STIM1: variants seen among roughly 807,000 people sequenced by gnomAD.
The protein encoded by STIM1 is stromal interaction molecule 1.
Under a neutral mutation model 74.7 loss-of-function variants are expected in STIM1, and 25 were observed. The observed-to-expected ratio is 0.33, with a 90% CI of 0.24 to 0.47. The LOEUF is 0.47. Ranked by LOEUF, STIM1 falls within the 20% of genes least tolerant of loss-of-function variation. The pLI, the probability that STIM1 is intolerant of heterozygous loss-of-function variation, is 1.00. For synonymous variants in STIM1, 328 were observed against 348.8 expected, an observed-to-expected ratio of 0.94 and a Z score of 0.66; for missense variants, 728 against 920.8, an observed-to-expected ratio of 0.79 and a Z score of 2.71.
chr11:4,013,072 G>A (rs931944206), intron 2 of STIM1, among the ~76,000 whole-genome samples: 3 of 152,194 alleles, frequency 2.0e-5, no homozygotes, highest in African/African-American at 7.2e-5. Context: ...CCAGGATGAA[G>A]CCAACTTGAT....
At chr11:3,858,233 G>GTTT (rs370455770) in intron 1 of STIM1, among the ~76,000 whole-genome samples, 10 of 146,064 alleles carry the variant, frequency 6.8e-5, no homozygotes, top group Non-Finnish European at 1.2e-4. Context: ...TATTAGGAAG[G>GTTT]TTTTTTTTTT....
intron 3 of STIM1, among the ~76,000 whole-genome samples, chr11:4,051,792 G>A (rs2133063705): frequency 6.6e-6 from 1 of 151,914 alleles, no homozygotes; most frequent in Admixed American, 6.6e-5. Flanking sequence ...GACTCTAGGT[G>A]TGCACCACCA....
At chr11:3,959,452 CA>C (rs2093260651) in intron 1 of STIM1, among the ~76,000 whole-genome samples, 1 of 152,146 alleles carries the variant, frequency 6.6e-6, no homozygotes, top group African/African-American at 2.4e-5. Context: ...TTCATTCATT[CA>C]TTTAGCCAGC....
chr11:3,957,536 G>A (rs2093230827), intron 1 of STIM1, among the ~76,000 whole-genome samples: 1 of 151,518 alleles, frequency 6.6e-6, no homozygotes, highest in Admixed American at 6.6e-5. Context: ...AGATTACTAG[G>A]GTGAGCCACT....
intron 1 of STIM1, among the ~76,000 whole-genome samples, chr11:3,882,887 T>C (rs550857623): frequency 1.3e-5 from 2 of 152,328 alleles, no homozygotes; most frequent in South Asian, 2.1e-4. Context: ...TAGTACCTCA[T>C]TGTGGTTTTG....
At chr11:3,967,364 G>A (rs1002524230) in intron 1 of STIM1, among the ~76,000 whole-genome samples, 188 bp from the exon 2 acceptor site, 2 of 152,152 alleles carry the variant, frequency 1.3e-5, no homozygotes, top group South Asian at 2.1e-4. Flanking sequence ...TTGTCCTTGT[G>A]GGGGAGCTCA....
At chr11:4,020,275 T>C (rs2136002569) in intron 2 of STIM1, among the ~76,000 whole-genome samples, 1 of 152,352 alleles carries the variant, frequency 6.6e-6, no homozygotes, top group Admixed American at 6.5e-5. Context: ...TGAAGATGTC[T>C]CTTCAACATG....
chr11:4,025,483 A>G (rs908462202), intron 3 of STIM1, among the ~76,000 whole-genome samples: 1 of 152,240 alleles, frequency 6.6e-6, no homozygotes, highest in African/African-American at 2.4e-5. Flanking sequence ...TTAAGCAGTG[A>G]CATGAGCTTT....
At chr11:4,004,127 G>A (rs905746158) in intron 2 of STIM1, among the ~76,000 whole-genome samples, 7 of 152,182 alleles carry the variant, frequency 4.6e-5, no homozygotes, top group Non-Finnish European at 7.3e-5. Flanking sequence ...CATGCTCATG[G>A]GTAGGAAGAA....
intron 1 of STIM1, among the ~76,000 whole-genome samples, chr11:3,955,307 C>G (rs754302943): frequency 2.0e-5 from 3 of 152,104 alleles, no homozygotes; most frequent in Non-Finnish European, 4.4e-5. Flanking sequence ...GGTGGTTACA[C>G]AGGGATGTAT....
chr11:4,049,742 AC>A (rs2094224330), intron 3 of STIM1: 1 of 145,600 alleles, frequency 6.9e-6, no homozygotes, highest in African/African-American at 2.5e-5. Flanking sequence ...ACACACACAC[AC>A]ACACACACAC....
At chr11:3,902,879 T>C (rs1009017074) in intron 1 of STIM1, among the ~76,000 whole-genome samples, 2 of 152,122 alleles carry the variant, frequency 1.3e-5, no homozygotes, top group Non-Finnish European at 2.9e-5. Flanking sequence ...CAAAGGATCA[T>C]AAATGATCGT....
intron 6 of STIM1, among the ~76,000 whole-genome samples, chr11:4,071,346 TTTA>T (rs921840590): frequency 1.3e-5 from 2 of 152,028 alleles, no homozygotes. Flanking sequence ...TTTATTTCTA[TTTA>T]TTATTATTAT....
At chr11:4,000,060 T>G (rs963789111) in intron 2 of STIM1, among the ~76,000 whole-genome samples, 5 of 150,966 alleles carry the variant, frequency 3.3e-5, no homozygotes, top group Admixed American at 6.6e-5. Context: ...CCAGGCTCGC[T>G]TAGGTAAACA....
At chr11:3,903,083 G>T (rs1054192334) in intron 1 of STIM1, among the ~76,000 whole-genome samples, 2 of 152,098 alleles carry the variant, frequency 1.3e-5, no homozygotes, top group Non-Finnish European at 2.9e-5. Context: ...AGTTTATTCA[G>T]ATTAGCTTAT....
rs188050729 is a variant in STIM1, at chr11:3,928,326, C to T, written c.140-39226C>T. On this transcript the variant is annotated intron_variant, in intron 1 of 12. Transcript: ENST00000526596. ...GTGCAACCTCTGCCACTCAGGTTCA[C>T]GTGATTCTCCTGCTTCAGCCTCCTG... 2.4e-3 allele frequency among the ~76,000 whole-genome samples: 358 copies of T among 151,454 alleles called. 1 individual carries two copies. The highest frequency in any genetic ancestry group is 7.9e-3 in the African/African-American group (324 of 41,214).
chr11:3,889,968 G>T (rs10835250), intron 1 of STIM1, among the ~76,000 whole-genome samples: 51,956 of 151,958 alleles, frequency 0.34, 10,084 homozygotes, highest in South Asian at 0.47. Context: ...GGTACATTGG[G>T]CAGGGACTTT....
chr11:4,077,859 C>G (rs1565169156), intron 7 of STIM1, among the ~76,000 whole-genome samples: 1 of 152,142 alleles, frequency 6.6e-6, no homozygotes, highest in Non-Finnish European at 1.5e-5. Flanking sequence ...TCTAGAATAT[C>G]CACTTTACTC....
intron 1 of STIM1, among the ~76,000 whole-genome samples, chr11:3,916,300 T>TAA (rs1565114177): frequency 2.6e-5 from 4 of 151,704 alleles, no homozygotes; most frequent in African/African-American, 9.7e-5. Context: ...TTTTTTTTTT[T>TAA]AATTGAGACA....
Sources: allele counts gnomAD v4.1 joint callset (sites outside exome capture counted in the v4.1 genomes callset), GRCh38; gene constraint gnomAD v4.1.1; transcripts MANE v1.5; gene names NCBI Gene and HGNC (gene_info 2026-07-23, HGNC 2026-07-21).